Variants in VGLL4 observed in about 807,000 individuals in gnomAD.
VGLL4 encodes transcription cofactor vestigial-like protein 4.
Under a neutral mutation model 21.0 loss-of-function variants are expected in VGLL4, and 7 were observed. The observed-to-expected ratio is 0.33, with a 90% CI of 0.19 to 0.63. VGLL4 has a LOEUF of 0.63. Among genes scored for constraint, VGLL4 ranks in the 20% least tolerant of loss-of-function variants. The pLI, the probability that VGLL4 is intolerant of heterozygous loss-of-function variation, is 0.78. For synonymous variants in VGLL4, 222 were observed against 173.2 expected (o/e 1.28, Z -2.21); for missense variants, 394 against 425.7 (o/e 0.93, Z 0.66).
At chr3:11,670,013 A>G (rs2125366100) in intron 2 of VGLL4, among the ~76,000 whole-genome samples, 1 of 152,306 alleles carries the variant, frequency 6.6e-6, no homozygotes, top group East Asian at 1.9e-4. Flanking sequence ...ACTAAACAGA[A>G]TCCCTCTTCC....
intron 1 of VGLL4, among the ~76,000 whole-genome samples, chr3:11,712,726 G>A (rs1277726263): frequency 1.3e-5 from 2 of 152,104 alleles, no homozygotes; most frequent in East Asian, 3.9e-4. Context: ...CAATTATTTA[G>A]CCTAGGTCAA....
At chr3:11,610,179 G>C (rs7633771) in intron 1 of VGLL4, 28,152 of 152,286 alleles carry the variant, frequency 0.18, 3,872 homozygotes, top group African/African-American at 0.37. Flanking sequence ...CCTGCTCCCA[G>C]ATTCCACGCC....
intron 1 of VGLL4, among the ~76,000 whole-genome samples, chr3:11,712,760 C>T (rs1019889001): frequency 5.9e-5 from 9 of 152,142 alleles, no homozygotes; most frequent in African/African-American, 1.9e-4. Flanking sequence ...TTAGCAAGCA[C>T]GACTTCTAGC....
At chr3:11,711,336 G>A (rs570685825) in intron 1 of VGLL4, among the ~76,000 whole-genome samples, 8 of 152,040 alleles carry the variant, frequency 5.3e-5, no homozygotes, top group Non-Finnish European at 7.4e-5. Context: ...TAAGGAGATC[G>A]AGACCATCCC....
chr3:11,642,954 T>C (rs2075724785), intron 1 of VGLL4, among the ~76,000 whole-genome samples: 1 of 152,044 alleles, frequency 6.6e-6, no homozygotes, highest in African/African-American at 2.4e-5. Flanking sequence ...TCTCCGCTGT[T>C]TGGGACGCTC....
At position 11,573,302 on chromosome 3, in the gene VGLL4, A is replaced by AG. The variant is rs2073894137; in HGVS notation, c.273-8284dup. Among the ~76,000 whole-genome samples, 37 of 10,474 alleles carry AG rather than the reference A, an allele frequency of 3.5e-3. 2 individuals are homozygous for AG. Among genetic ancestry groups the AG allele is most frequent in the Non-Finnish European group, 3.1e-3 (19 of 6,226 alleles). The allele number at this position is 10,474 out of a possible 152,430, so 6.9% of individuals were successfully genotyped here. On this transcript the variant is annotated intron_variant, in intron 2 of 4. Transcript: ENST00000430365. ...AAGAAAGAAAGAAAGAAAGAAAGAA[A>AG]GAAAGGAAGGAAGGAAGAAAGAAAG...
rs2073462475 is a variant in VGLL4 at position 11,565,807 on chromosome 3, AC to A, written c.273-789del. Among the ~76,000 whole-genome samples, 1 of 152,198 alleles carries A rather than the reference AC, an allele frequency of 6.6e-6. No homozygotes were observed. Among genetic ancestry groups the A allele is most frequent in the Non-Finnish European group, 1.5e-5 (1 of 68,032 alleles). Reference sequence around the variant, plus strand: ...GATGTGTTAGTCTGAAGGCAGCGTTACGTGTTGCATCTATTAGACACCAACC... The same window carrying A: ...GATGTGTTAGTCTGAAGGCAGCGTTAGTGTTGCATCTATTAGACACCAACC... On this transcript the variant is annotated intron_variant, in intron 2 of 4. Coordinates refer to ENST00000430365, the MANE Select transcript of VGLL4 (RefSeq NM_001128219.3). This position sits in a 1 kb window ranked among gnomAD's most constrained non-coding sequence, Gnocchi z 4.1.
At chr3:11,672,693 G>C (rs1473046113) in intron 2 of VGLL4, among the ~76,000 whole-genome samples, 1 of 152,176 alleles carries the variant, frequency 6.6e-6, no homozygotes, top group African/African-American at 2.4e-5. Flanking sequence ...AGGACACGGA[G>C]AACCGGTAAC....
chr3:11,633,545 C>T (rs2075527182), intron 1 of VGLL4: 1 of 152,556 alleles, frequency 6.6e-6, no homozygotes, highest in African/African-American at 2.4e-5. Flanking sequence ...TGGCACGCAC[C>T]TGTAGTCCCA....
intron 2 of VGLL4, among the ~76,000 whole-genome samples, chr3:11,700,514 C>T (rs970514556): frequency 6.6e-6 from 1 of 152,140 alleles, no homozygotes; most frequent in South Asian, 2.1e-4. Context: ...TGGCACCAGC[C>T]CGCCCCACCC....
At chr3:11,585,933 TG>T (rs1377180865) in intron 2 of VGLL4, among the ~76,000 whole-genome samples, 1 of 152,138 alleles carries the variant, frequency 6.6e-6, no homozygotes, top group Non-Finnish European at 1.5e-5. Context: ...CGTTGGTCCC[TG>T]GGTGTTTCAA....
At chr3:11,601,498 C>T (rs1202613007) in intron 2 of VGLL4, among the ~76,000 whole-genome samples, 2 of 152,050 alleles carry the variant, frequency 1.3e-5, no homozygotes, top group African/African-American at 2.4e-5. Flanking sequence ...CTCCTAAAAA[C>T]AATCAATATG....
intron 2 of VGLL4, among the ~76,000 whole-genome samples, chr3:11,586,920 A>C (rs1460513864): frequency 6.6e-6 from 1 of 152,242 alleles, no homozygotes; most frequent in African/African-American, 2.4e-5. Flanking sequence ...TAGCCTCAAA[A>C]TGAAAGTCAC....
At chr3:11,608,432 T>G (rs1414877461) in intron 1 of VGLL4, among the ~76,000 whole-genome samples, 2 of 152,170 alleles carry the variant, frequency 1.3e-5, no homozygotes, top group Non-Finnish European at 2.9e-5. Context: ...TAATATTCCT[T>G]CAAATTTCCC....
At chr3:11,706,752 G>C (rs1255031750) in intron 1 of VGLL4, among the ~76,000 whole-genome samples, 1 of 103,378 alleles carries the variant, frequency 9.7e-6, no homozygotes, top group Non-Finnish European at 2.0e-5. Flanking sequence ...CTTATCCCCA[G>C]TGCAGTCATC....
intron 1 of VGLL4, among the ~76,000 whole-genome samples, chr3:11,706,371 A>G (rs73813014): frequency 0.071 from 10,822 of 152,294 alleles, 438 homozygotes; most frequent in Middle Eastern, 0.1. Flanking sequence ...AAGTGCCCAG[A>G]AAAGGTTAAG....
At chr3:11,605,769 G>A (rs1306058893) in intron 1 of VGLL4, among the ~76,000 whole-genome samples, 1 of 152,182 alleles carries the variant, frequency 6.6e-6, no homozygotes, top group Non-Finnish European at 1.5e-5. Context: ...AATCAATGAG[G>A]CAAGGTGACA....
chr3:11,640,913 T>A (rs1368152510), intron 1 of VGLL4, among the ~76,000 whole-genome samples: 1 of 151,376 alleles, frequency 6.6e-6, no homozygotes, highest in Non-Finnish European at 1.5e-5. Context: ...AGGTCAGGAG[T>A]TTGAAACCAG....
chr3:11,573,249 A>AG (rs1559869183), intron 2 of VGLL4, among the ~76,000 whole-genome samples: 2 of 34,354 alleles, frequency 5.8e-5, no homozygotes, highest in African/African-American at 1.5e-4. Flanking sequence ...GAAATAGAGA[A>AG]AGAAAGAAAG....
Sources: allele counts gnomAD v4.1 joint callset (sites outside exome capture counted in the v4.1 genomes callset), GRCh38; gene constraint gnomAD v4.1.1; non-coding constraint Gnocchi (gnomAD v3.1); transcripts MANE v1.5; gene names NCBI Gene and HGNC (gene_info 2026-07-23, HGNC 2026-07-21).